DNAJC10: variants seen among roughly 807,000 people sequenced by gnomAD.
DNAJC10 encodes DnaJ heat shock protein family (Hsp40) member C10.
In DNAJC10, 101 loss-of-function variants were observed where a neutral mutation model predicts 115.0. The observed-to-expected ratio is 0.88, with a 90% confidence interval of 0.75 to 1.04. The LOEUF (loss-of-function observed/expected upper bound fraction) is 1.04, where lower values mean the gene tolerates loss of function less well. DNAJC10 is among the 50% of genes least tolerant of loss of function. The probability of loss-of-function intolerance (pLI) is 0.00; values close to 1 mark genes in which losing one functional copy is unlikely to be tolerated. For missense variants in DNAJC10, 981 were observed against 928.8 expected, an observed-to-expected ratio of 1.06 and a Z score of -0.73; for synonymous variants, 307 against 301.5, an observed-to-expected ratio of 1.02 and a Z score of -0.19.
chr2:182,770,563 T>C (rs966922070), intron 22 of DNAJC10, among the ~76,000 whole-genome samples: 2 of 152,200 alleles, frequency 1.3e-5, no homozygotes, highest in Non-Finnish European at 2.9e-5. Flanking sequence ...AGGTATTTTA[T>C]TCTCTTTGTA....
chr2:182,768,072 A>G (rs1694462812), intron 22 of DNAJC10, among the ~76,000 whole-genome samples: 1 of 152,110 alleles, frequency 6.6e-6, no homozygotes, highest in South Asian at 2.1e-4. Flanking sequence ...ACATTTTGTG[A>G]TGAATAGGGC....
chr2:182,740,414 G>A (rs1204210071), intron 12 of DNAJC10, 26 bp downstream of exon 12: 5 of 1,542,434 alleles, frequency 3.2e-6, no homozygotes, highest in Non-Finnish European at 4.3e-6. Flanking sequence ...ATAATGATAA[G>A]TAGCAATGAA....
At chr2:182,775,148 G>A (rs928390225) in intron 22 of DNAJC10, among the ~76,000 whole-genome samples, 168 bp from the exon 23 acceptor site, 1 of 151,452 alleles carries the variant, frequency 6.6e-6, no homozygotes, top group African/African-American at 2.4e-5. Flanking sequence ...GTACATTATG[G>A]GTTAACTGCT....
At position 182,775,391 on chromosome 2, in the gene DNAJC10, A is replaced by G. The variant is rs1365769436; in HGVS notation, c.2341A>G (p.Thr781Ala). ...IAALISEKLE[T>A]LRNQGKRNKD... ...TGCCTTAATAAGTGAAAAATTGGAA[A>G]CTCTCCGAAATCAAGGCAAGAGGAA... Residue 781 changes from threonine to alanine, a missense_variant, in exon 23 of 24, where the codon ACT (threonine) becomes GCT (alanine). Physicochemically the swap from Thr to Ala is moderately conservative, Grantham distance 58. Coordinates refer to ENST00000264065, the MANE Select transcript of DNAJC10 (RefSeq NM_018981.4). The G allele has an allele frequency of 1.2e-6, 2 of 1,612,742 alleles. No homozygotes were observed. Among genetic ancestry groups the G allele is most frequent in the Non-Finnish European group, 1.7e-6 (2 of 1,179,258 alleles).
chr2:182,780,700 T>G lies in DNAJC10; in HGVS notation c.*3568T>G, dbSNP rs1329980728. 1.3e-5 allele frequency: 2 copies of G among 152,200 alleles called. No homozygotes were observed. The highest frequency in any genetic ancestry group is 2.9e-5 in the Non-Finnish European group (2 of 68,022). The allele number at this position is 152,200 out of a possible 1,614,324, so 9.4% of individuals were successfully genotyped here. ...TCATTTTTCTGTTTAACACTGAATT[T>G]ACACTTAGATTCTTGTACTGTCACT... On this transcript the variant is annotated 3_prime_UTR_variant, in exon 24 of 24. Coordinates refer to ENST00000264065, the MANE Select transcript of DNAJC10 (RefSeq NM_018981.4).
chr2:182,770,371 T>G (rs1353175685), intron 22 of DNAJC10, among the ~76,000 whole-genome samples: 1 of 152,232 alleles, frequency 6.6e-6, no homozygotes, highest in Non-Finnish European at 1.5e-5. Flanking sequence ...GGTAGCTTGA[T>G]GGGGATGGAA....
In DNAJC10 at chr2:182,759,190, ACCT is replaced by A; in HGVS notation, c.2030_2032del (p.Pro677del). On this transcript the variant is annotated inframe_deletion, in exon 21 of 24. Coordinates refer to ENST00000264065, the MANE Select transcript of DNAJC10 (RefSeq NM_018981.4). ...TACCTCAAGTATCCACAGATCTAAC[ACCT>A]CAGACTTTCAGTGAAAAAGTTCTAC... 1.2e-6 allele frequency: 2 copies of A among 1,602,126 alleles called. No individual in the cohort carries two copies. Among genetic ancestry groups the A allele is most frequent in the Non-Finnish European group, 1.7e-6 (2 of 1,177,184 alleles).
rs960346128 is a variant in DNAJC10 at position 182,779,202 on chromosome 2, C to T, written c.*2070C>T. 1.3e-5 allele frequency: 2 copies of T among 152,154 alleles called. No individual in the cohort carries two copies. The highest frequency in any genetic ancestry group is 4.8e-5 in the African/African-American group (2 of 41,442). 9.4% of individuals were successfully genotyped at this position (152,154 alleles called of 1,614,324 possible). A position where few individuals can be genotyped will look rare whatever the true frequency, so the allele number is the denominator to read the frequency against. The stretch of plus-strand genomic sequence containing the variant: ...GAAACACGTATCATAAAGTGACATA[C>T]ATCAAGGTTATCTTATATAGTCATA... On this transcript the variant is annotated 3_prime_UTR_variant, in exon 24 of 24. Coordinates refer to ENST00000264065, the MANE Select transcript of DNAJC10 (RefSeq NM_018981.4).
At chr2:182,764,842 AC>A (rs899531040) in intron 22 of DNAJC10, among the ~76,000 whole-genome samples, 1 of 152,140 alleles carries the variant, frequency 6.6e-6, no homozygotes, top group Non-Finnish European at 1.5e-5. Context: ...TTTCCCTTTT[AC>A]TTGTAATATT....
intron 10 of DNAJC10, among the ~76,000 whole-genome samples, chr2:182,735,326 AAT>A (rs1693557233): frequency 6.6e-6 from 1 of 151,902 alleles, no homozygotes. Context: ...ATTCTAATCA[AAT>A]ATGTTTTTTT....
At position 182,791,186 on chromosome 2, in the gene DNAJC10, C is replaced by A; in HGVS notation, c.*14054C>A. 6.6e-6 allele frequency: 1 copy of A among 152,064 alleles called. No individual in the cohort carries two copies. Among genetic ancestry groups the A allele is most frequent in the Admixed American group, 6.6e-5 (1 of 15,256 alleles). The allele number at this position is 152,064 out of a possible 1,614,324, so 9.4% of individuals were successfully genotyped here. A position where few individuals can be genotyped will look rare whatever the true frequency, so the allele number is the denominator to read the frequency against. On this transcript the variant is annotated 3_prime_UTR_variant, in exon 24 of 24. Transcript: ENST00000264065. ...TCAAGCCATAAAATTTAAATCCAAG[C>A]AGTAATTCTCCAATTAAAGTAACTC...
chr2:182,752,015 T>G, intron 15 of DNAJC10, 57 bp from the exon 16 acceptor site: 1 of 1,376,394 alleles, frequency 7.3e-7, no homozygotes, highest in Non-Finnish European at 1.0e-6. Context: ...GCAGAAATGA[T>G]GGGGGGGTTT....
At chr2:182,744,322 C>A (rs552009643) in intron 14 of DNAJC10, among the ~76,000 whole-genome samples, 1 of 152,180 alleles carries the variant, frequency 6.6e-6, no homozygotes, top group East Asian at 1.9e-4. Flanking sequence ...CCCATTAGCA[C>A]CTAGCACTGC....
chr2:182,719,966 G>A (rs769071349), intron 3 of DNAJC10, 41 bp from the exon 4 acceptor site: 6 of 1,195,794 alleles, frequency 5.0e-6, no homozygotes, highest in South Asian at 1.4e-5. Flanking sequence ...CTTGGATTGT[G>A]TATCTGAAAT....
Position 182,756,400 on chromosome 2 carries a change from G to GGTT in DNAJC10, c.1742_1744dup (p.Val581dup). On this transcript the variant is annotated inframe_insertion, in exon 18 of 24. Coordinates refer to ENST00000264065, the MANE Select transcript of DNAJC10 (RefSeq NM_018981.4). ...AAAGAAAACACAACGAAGTCTGGATGGTTGATTTCTATTCTCCGTGGTGTC... is the reference window on the plus strand; with the variant it reads ...AAAGAAAACACAACGAAGTCTGGATGGTTGTTGATTTCTATTCTCCGTGGTGTC... 1 of 1,613,998 alleles carries GGTT rather than the reference G, an allele frequency of 6.2e-7. No individual in the cohort carries two copies. Among genetic ancestry groups the GGTT allele is most frequent in the Non-Finnish European group, 8.5e-7 (1 of 1,179,922 alleles).
intron 22 of DNAJC10, among the ~76,000 whole-genome samples, chr2:182,769,669 G>GT (rs1285025840): frequency 5.5e-4 from 82 of 150,280 alleles, no homozygotes; most frequent in Non-Finnish European, 6.8e-4. Flanking sequence ...TTTTTGATGG[G>GT]TTTTTTTTTA....
chr2:182,777,101 C>T lies in DNAJC10; in HGVS notation c.2371-20C>T, dbSNP rs781270798. The T allele has an allele frequency of 5.8e-6, 8 of 1,385,026 alleles. No individual in the cohort carries two copies. Among genetic ancestry groups the T allele is most frequent in the Non-Finnish European group, 7.7e-6 (8 of 1,033,116 alleles). 85.8% of individuals were successfully genotyped at this position (1,385,026 alleles called of 1,614,324 possible). On this transcript the variant is annotated intron_variant, in intron 23 of 23. Coordinates refer to ENST00000264065, the MANE Select transcript of DNAJC10 (RefSeq NM_018981.4). ...CTCATACTTTCTCCTTTCTCTATCGCCTTTACATTATTATTATAGGATGAA... is the reference window on the plus strand; with the variant it reads ...CTCATACTTTCTCCTTTCTCTATCGTCTTTACATTATTATTATAGGATGAA...
At chr2:182,771,008 A>G (rs527335863) in intron 22 of DNAJC10, among the ~76,000 whole-genome samples, 8 of 152,246 alleles carry the variant, frequency 5.3e-5, no homozygotes, top group Non-Finnish European at 1.2e-4. Context: ...TTGAGTTTTT[A>G]GCATGAAGGG....
chr2:182,771,785 C>T lies in DNAJC10; in HGVS notation c.2266-3531C>T, dbSNP rs538495323. Among the ~76,000 whole-genome samples the T allele has an allele frequency of 2.0e-5, 3 of 152,220 alleles. No individual in the cohort carries two copies. In the South Asian group the frequency reaches 6.2e-4, roughly 32 times the overall value. ...TTTTCAAAAAACCAGCTCCTAGATT[C>T]ATTGATTTTTTGAAGGGTTTTTTAT... On this transcript the variant is annotated intron_variant, in intron 22 of 23. Transcript: ENST00000264065.
Sources: gnomAD v4.1 joint callset for allele counts (sites outside exome capture counted in the v4.1 genomes callset) on GRCh38, gnomAD v4.1.1 for gene constraint, MANE v1.5 for transcripts, NCBI Gene and HGNC (gene_info 2026-07-23, HGNC 2026-07-21) for gene names.